SH2D4B: variants seen among roughly 807,000 people sequenced by gnomAD.
The protein encoded by SH2D4B is SH2 domain containing 4B, also known as SH2 domain-containing protein 4B.
A neutral mutation model predicts 61.5 loss-of-function variants in SH2D4B; 45 were observed. The ratio of observed to expected loss-of-function variants is 0.73; its 90% CI spans 0.58 to 0.94. The LOEUF is 0.94. Ranked by LOEUF, SH2D4B falls within the 40% of genes least tolerant of loss-of-function variation. The probability of loss-of-function intolerance (pLI) is 0.00; values close to 1 mark genes in which losing one functional copy is unlikely to be tolerated. For missense variants in SH2D4B, 572 were observed against 574.2 expected (o/e 1.00, Z 0.04); for synonymous variants, 224 against 220.4 (o/e 1.02, Z -0.14).
At chr10:80,639,584 T>G (rs1840252337) in intron 7 of SH2D4B, among the ~76,000 whole-genome samples, 1 of 152,214 alleles carries the variant, frequency 6.6e-6, no homozygotes, top group Non-Finnish European at 1.5e-5. Flanking sequence ...GTCTGTTTTA[T>G]CAGAGACTAG....
intron 1 of SH2D4B, among the ~76,000 whole-genome samples, chr10:80,552,421 TA>T (rs1166905471): frequency 4.6e-5 from 7 of 152,214 alleles, no homozygotes; most frequent in Non-Finnish European, 8.8e-5. Flanking sequence ...TGAGCTGCCC[TA>T]GCTTCCTGTC....
chr10:80,642,400 C>T (rs930714847), intron 7 of SH2D4B, among the ~76,000 whole-genome samples: 4 of 152,172 alleles, frequency 2.6e-5, no homozygotes, highest in African/African-American at 7.2e-5. Flanking sequence ...TGACTTTGGA[C>T]GACTATTTAG....
chr10:80,566,053 T>C (rs1281522396), intron 1 of SH2D4B, among the ~76,000 whole-genome samples: 3 of 116,126 alleles, frequency 2.6e-5, no homozygotes, highest in African/African-American at 1.0e-4. Flanking sequence ...ATCGCGCCAC[T>C]GCACTCCAGC....
At chr10:80,543,479 A>T (rs1841614395) in intron 1 of SH2D4B, among the ~76,000 whole-genome samples, 1 of 152,152 alleles carries the variant, frequency 6.6e-6, no homozygotes, top group Admixed American at 6.5e-5. Flanking sequence ...GCAGCCCTCC[A>T]TGCCTAAGCC....
intron 1 of SH2D4B, among the ~76,000 whole-genome samples, chr10:80,545,568 T>C (rs186199777): frequency 6.6e-6 from 1 of 152,240 alleles, no homozygotes; most frequent in East Asian, 1.9e-4. Context: ...CTCCTCTTGC[T>C]CCATGTACCT....
intron 1 of SH2D4B, among the ~76,000 whole-genome samples, chr10:80,567,777 C>A (rs1841989572): frequency 6.6e-6 from 1 of 152,206 alleles, no homozygotes; most frequent in Non-Finnish European, 1.5e-5. Context: ...TTCCCCTTGG[C>A]CTCCTCTGAA....
Position 80,644,372 on chromosome 10 carries a change from T to C in SH2D4B, c.*287T>C. 2.9e-6 allele frequency: 1 copy of C among 344,276 alleles called. No homozygotes were observed. The allele number at this position is 344,276 out of a possible 1,614,324, so 21.3% of individuals were successfully genotyped here. A position where few individuals can be genotyped will look rare whatever the true frequency, so the allele number is the denominator to read the frequency against. On this transcript the variant is annotated 3_prime_UTR_variant, in exon 8 of 8. Transcript: ENST00000646907. ...TCATGGCTGCCGTAAACCGAGCTCT[T>C]ACAGTGCGTGGACCATGTTTTAATA... is the stretch of plus-strand genomic sequence containing the variant.
chr10:80,614,138 C>T (rs894742957), intron 6 of SH2D4B, among the ~76,000 whole-genome samples: 3 of 152,150 alleles, frequency 2.0e-5, no homozygotes, highest in Non-Finnish European at 4.4e-5. Flanking sequence ...GTGTGTGAGG[C>T]TGTTTTTGTG....
At chr10:80,600,109 C>T (rs1468704468) in intron 4 of SH2D4B, among the ~76,000 whole-genome samples, 1 of 152,196 alleles carries the variant, frequency 6.6e-6, no homozygotes, top group African/African-American at 2.4e-5. Context: ...CAGAGCAACC[C>T]AGTCAGGCCC....
At chr10:80,594,522 T>G (rs77293309) in intron 4 of SH2D4B, among the ~76,000 whole-genome samples, 18,389 of 152,312 alleles carry the variant, frequency 0.12, 1,255 homozygotes, top group East Asian at 0.25. Flanking sequence ...AAGTGTTCAT[T>G]CCTCTTCTAT....
At chr10:80,618,603 G>A (rs1842684135) in intron 6 of SH2D4B, among the ~76,000 whole-genome samples, 1 of 152,174 alleles carries the variant, frequency 6.6e-6, no homozygotes, top group African/African-American at 2.4e-5. Flanking sequence ...GATACTGTCT[G>A]GAAAGTATGG....
At chr10:80,592,737 G>T (rs1179209926) in intron 4 of SH2D4B, among the ~76,000 whole-genome samples, 4 of 117,162 alleles carry the variant, frequency 3.4e-5, no homozygotes, top group Admixed American at 9.6e-5. Context: ...TTTTTGAGAT[G>T]GAGTCTCACT....
At chr10:80,594,066 G>T (rs55683824) in intron 4 of SH2D4B, among the ~76,000 whole-genome samples, 1,900 of 152,090 alleles carry the variant, frequency 0.012, 47 homozygotes, top group African/African-American at 0.044. Context: ...TGTCCACCTC[G>T]ACCTCCCAAA....
At chr10:80,611,408 C>T (rs772305049) in intron 6 of SH2D4B, among the ~76,000 whole-genome samples, 1 of 152,128 alleles carries the variant, frequency 6.6e-6, no homozygotes, top group Non-Finnish European at 1.5e-5. Flanking sequence ...TCTTTCTTCT[C>T]CCAGGTCACC....
intron 7 of SH2D4B, among the ~76,000 whole-genome samples, chr10:80,641,461 TC>T (rs1257365891): frequency 1.3e-5 from 2 of 151,696 alleles, no homozygotes; most frequent in African/African-American, 2.4e-5. Context: ...AGTTCGAGCT[TC>T]CCCATCCACT....
intron 6 of SH2D4B, among the ~76,000 whole-genome samples, chr10:80,610,592 G>A (rs1250220089): frequency 1.3e-5 from 2 of 152,110 alleles, no homozygotes; most frequent in South Asian, 2.1e-4. Context: ...AGGCCTCTCT[G>A]TATTCAGCCC....
At chr10:80,556,297 A>C (rs935210648) in intron 1 of SH2D4B, among the ~76,000 whole-genome samples, 1 of 152,166 alleles carries the variant, frequency 6.6e-6, no homozygotes, top group African/African-American at 2.4e-5. Context: ...GTGTATGTCT[A>C]CTCTTGCACA....
chr10:80,638,623 G>A (rs753623079), intron 7 of SH2D4B, among the ~76,000 whole-genome samples: 12 of 152,172 alleles, frequency 7.9e-5, no homozygotes, highest in Non-Finnish European at 1.5e-4. Flanking sequence ...CTGTTGGATC[G>A]GTGGTGATAT....
chr10:80,588,855 T>TTCGTCATG lies in SH2D4B; in HGVS notation c.643+85_643+86insGTCGTCAT, dbSNP rs1842291975. ...CCTCCTCCCAATGCTGATGTACTCA[T>TTCGTCATG]TCGTCATTTCCATTCGCTCACTCAC... On this transcript the variant is annotated intron_variant, in intron 4 of 7. Transcript: ENST00000646907. 3.2e-6 allele frequency: 5 copies of TTCGTCATG among 1,546,990 alleles called. No homozygotes were observed. In the South Asian group the frequency reaches 4.6e-5, roughly 14 times the overall value.
Sources: gnomAD v4.1 joint callset for allele counts (sites outside exome capture counted in the v4.1 genomes callset) on GRCh38, gnomAD v4.1.1 for gene constraint, MANE v1.5 for transcripts, NCBI Gene and HGNC (gene_info 2026-07-23, HGNC 2026-07-21) for gene names.